FAM135B: variants seen among roughly 807,000 people sequenced by gnomAD.
The protein encoded by FAM135B is family with sequence similarity 135 member B.
A neutral mutation model predicts 127.7 loss-of-function variants in FAM135B; 43 were observed. The ratio of observed to expected loss-of-function variants is 0.34; its 90% CI spans 0.26 to 0.43. The LOEUF (loss-of-function observed/expected upper bound fraction) is 0.43, where lower values mean the gene tolerates loss of function less well. Ranked by LOEUF, FAM135B falls within the 20% of genes least tolerant of loss-of-function variation. The probability of loss-of-function intolerance (pLI) is 1.00; values close to 1 mark genes in which losing one functional copy is unlikely to be tolerated. For missense variants in FAM135B, 1,558 were observed against 1,725.6 expected (o/e 0.90, Z 1.72); for synonymous variants, 670 against 665.1 (o/e 1.01, Z -0.11).
At chr8:138,143,517 T>A (rs1817395109) in intron 15 of FAM135B, among the ~76,000 whole-genome samples, 1 of 152,174 alleles carries the variant, frequency 6.6e-6, no homozygotes, top group Non-Finnish European at 1.5e-5. Context: ...CCAAAGGCCC[T>A]GCCCTTTCTG....
chr8:138,267,515 T>G (rs1823029502), intron 3 of FAM135B, among the ~76,000 whole-genome samples: 1 of 143,374 alleles, frequency 7.0e-6, no homozygotes, highest in South Asian at 2.2e-4. Context: ...TAGCAAAGGG[T>G]GGGGACTCTA....
intron 2 of FAM135B, among the ~76,000 whole-genome samples, chr8:138,316,523 C>A (rs1055643269): frequency 1.4e-4 from 21 of 152,016 alleles, no homozygotes; most frequent in East Asian, 3.9e-4. Context: ...ACAAAAAAAA[C>A]CACAATGAGA....
rs1420786319 is a variant in FAM135B at position 138,197,105 on chromosome 8, GTGTGTGTGTGTGTA to G, written c.823+397_823+410del. On this transcript the variant is annotated intron_variant, in intron 8 of 19. Coordinates refer to ENST00000395297, the MANE Select transcript of FAM135B (RefSeq NM_015912.4). ...TGTGTGTGTGTGTGTGTGTGTGTGT[GTGTGTGTGTGTGTA>G]TATATATAGTTTTTATGAGGATTGT... Among the ~76,000 whole-genome samples, 62 of 46,470 alleles carry G rather than the reference GTGTGTGTGTGTGTA, an allele frequency of 1.3e-3. 1 individual carries two copies. The highest frequency in any genetic ancestry group is 3.0e-3 in the Admixed American group (14 of 4,696). The allele number at this position is 46,470 out of a possible 152,430, so 30.5% of individuals were successfully genotyped here.
intron 2 of FAM135B, among the ~76,000 whole-genome samples, chr8:138,352,276 C>G (rs1289404319): frequency 6.6e-6 from 1 of 152,190 alleles, no homozygotes; most frequent in East Asian, 1.9e-4. Context: ...AATATCAAAT[C>G]TGAATGATAA....
At chr8:138,137,721 C>T (rs531390190) in intron 18 of FAM135B, among the ~76,000 whole-genome samples, 1 of 152,316 alleles carries the variant, frequency 6.6e-6, no homozygotes, top group African/African-American at 2.4e-5. Context: ...TTCACCACGT[C>T]CCATGCTTTA....
At chr8:138,426,118 A>ACG (rs1554690957) in intron 1 of FAM135B, among the ~76,000 whole-genome samples, 1 of 120,046 alleles carries the variant, frequency 8.3e-6, no homozygotes, top group Admixed American at 9.0e-5. Flanking sequence ...ATATACACAT[A>ACG]TGTGTGTGTG....
At chr8:138,475,209 T>C (rs554722880) in intron 1 of FAM135B, among the ~76,000 whole-genome samples, 1 of 152,060 alleles carries the variant, frequency 6.6e-6, no homozygotes, top group African/African-American at 2.4e-5. Flanking sequence ...ACTCTGTTGG[T>C]TTCTGCAGGC....
At chr8:138,375,989 CTTGTTTTGTT>C (rs1210669532) in intron 1 of FAM135B, among the ~76,000 whole-genome samples, 1 of 151,986 alleles carries the variant, frequency 6.6e-6, no homozygotes, top group Non-Finnish European at 1.5e-5. Context: ...TATTTTTTTG[CTTGTTTTGTT>C]TTGTTTTGTT....
rs528665271 is a variant in FAM135B, at chr8:138,216,480, C to T, written c.670-18811G>A. Among the ~76,000 whole-genome samples the T allele has an allele frequency of 5.9e-4, 90 of 152,210 alleles. 1 individual carries two copies. The highest frequency in any genetic ancestry group is 3.7e-3 in the South Asian group (18 of 4,810). ...ACTGTCTGCAGTGAGATTGGCATTGCACTAATGGAGAAAGGGAAAGGATGC... is the reference window on the plus strand; with the variant it reads ...ACTGTCTGCAGTGAGATTGGCATTGTACTAATGGAGAAAGGGAAAGGATGC... On this transcript the variant is annotated intron_variant, in intron 7 of 19. Transcript: ENST00000395297.
At chr8:138,342,797 T>C (rs1244504977) in intron 2 of FAM135B, among the ~76,000 whole-genome samples, 1 of 152,134 alleles carries the variant, frequency 6.6e-6, no homozygotes, top group Non-Finnish European at 1.5e-5. Flanking sequence ...CACAAACACA[T>C]ATGCACACAA....
chr8:138,348,725 CT>C (rs1345234383), intron 2 of FAM135B, among the ~76,000 whole-genome samples: 2 of 152,198 alleles, frequency 1.3e-5, no homozygotes, highest in Non-Finnish European at 2.9e-5. Flanking sequence ...TAGTTCTGGA[CT>C]TAAGAGAAAC....
At chr8:138,276,875 T>C (rs1262564013) in intron 3 of FAM135B, among the ~76,000 whole-genome samples, 1 of 152,078 alleles carries the variant, frequency 6.6e-6, no homozygotes, top group East Asian at 1.9e-4. Flanking sequence ...CTGGTGTAAA[T>C]CCTCTAGCTA....
In FAM135B at chr8:138,497,194, C is replaced by A. The variant is rs1296341978; in HGVS notation, c.-543G>T. On this transcript the variant is annotated 5_prime_UTR_variant, in exon 1 of 20. Transcript: ENST00000395297. ...GCGCGCCCTCGCGGCCGGGAGAGCC[C>A]GCCCTGCTGCTCCCGCTGGCTCCGC... 2.0e-5 allele frequency among the ~76,000 whole-genome samples: 3 copies of A among 151,052 alleles called. No individual in the cohort carries two copies. The highest frequency in any genetic ancestry group is 2.1e-4 in the South Asian group (1 of 4,836).
At chr8:138,285,256 C>T (rs1438634113) in intron 3 of FAM135B, among the ~76,000 whole-genome samples, 1 of 144,544 alleles carries the variant, frequency 6.9e-6, no homozygotes, top group Non-Finnish European at 1.5e-5. Context: ...AAGTGATTCT[C>T]CTGCCTTAGC....
rs1816239899 is a variant in FAM135B at position 138,192,630 on chromosome 8, C to T, written c.873+2628G>A. ...TGGTCTTGTGGCCCTCACCCAGGAA[C>T]AGACTCAGCGCAAGAGGACAGTTGG... is the stretch of plus-strand genomic sequence containing the variant. On this transcript the variant is annotated intron_variant, in intron 9 of 19. Transcript: ENST00000395297. Among the ~76,000 whole-genome samples the T allele has an allele frequency of 2.0e-5, 3 of 152,002 alleles. No individual in the cohort carries two copies. In the South Asian group the frequency reaches 6.2e-4, roughly 32 times the overall value.
intron 18 of FAM135B, among the ~76,000 whole-genome samples, chr8:138,138,719 C>A (rs12543495): frequency 6.6e-6 from 1 of 152,142 alleles, no homozygotes; most frequent in East Asian, 1.9e-4. Flanking sequence ...AAAACTGGCA[C>A]AAAGTGGAAG....
At chr8:138,139,268 A>G (rs981949661) in intron 17 of FAM135B, among the ~76,000 whole-genome samples, 172 bp from the exon 18 acceptor site, 2 of 152,188 alleles carry the variant, frequency 1.3e-5, no homozygotes, top group Non-Finnish European at 2.9e-5. Flanking sequence ...TTGTCCTCTC[A>G]CGTACTGGTG....
At chr8:138,458,967 C>A (rs769322577) in intron 1 of FAM135B, 28 of 152,094 alleles carry the variant, frequency 1.8e-4, no homozygotes, top group Non-Finnish European at 3.7e-4. Context: ...CCACACAGTA[C>A]ATGTGTGTGA....
chr8:138,258,919 C>G (rs1163081270), intron 4 of FAM135B, among the ~76,000 whole-genome samples: 1 of 151,986 alleles, frequency 6.6e-6, no homozygotes, highest in Non-Finnish European at 1.5e-5. Flanking sequence ...ATCTCACGAC[C>G]AGGAAGCAGT....
Sources: allele counts gnomAD v4.1 joint callset (sites outside exome capture counted in the v4.1 genomes callset), GRCh38; gene constraint gnomAD v4.1.1; transcripts MANE v1.5; gene names NCBI Gene and HGNC (gene_info 2026-07-23, HGNC 2026-07-21).